Variants in SDHB observed in about 807,000 individuals in gnomAD.
The protein encoded by SDHB is succinate dehydrogenase complex iron sulfur subunit B.
SDHB carries 21 observed loss-of-function variants against 39.7 expected under a neutral mutation model. The ratio of observed to expected loss-of-function variants is 0.53; its 90% CI spans 0.37 to 0.76. SDHB has a LOEUF of 0.76. SDHB is among the 30% of genes least tolerant of loss of function. SDHB has a pLI of 0.00. For missense variants in SDHB, 343 were observed against 350.9 expected, an observed-to-expected ratio of 0.98 and a Z score of 0.18; for synonymous variants, 118 against 117.0, an observed-to-expected ratio of 1.01 and a Z score of -0.06.
intron 2 of SDHB, among the ~76,000 whole-genome samples, chr1:17,037,861 GCA>G (rs1235086206): frequency 6.6e-6 from 1 of 152,034 alleles, no homozygotes; most frequent in African/African-American, 2.4e-5. Flanking sequence ...TTCAGGCCAG[GCA>G]CAGTGGCTCA....
chr1:17,026,608 G>A (rs773825831), intron 5 of SDHB, among the ~76,000 whole-genome samples: 2 of 151,934 alleles, frequency 1.3e-5, no homozygotes, highest in African/African-American at 2.4e-5. Context: ...CAAGTGATCC[G>A]CCCACCTCGG....
intron 3 of SDHB, among the ~76,000 whole-genome samples, chr1:17,029,833 A>C (rs1364585007): frequency 6.6e-6 from 1 of 152,162 alleles, no homozygotes; most frequent in Non-Finnish European, 1.5e-5. Flanking sequence ...TTCTGGGCTC[A>C]AGCGATCCTC....
rs1553176980 is a variant in SDHB, at chr1:17,018,942, T to G, written c.782A>C (p.Lys261Thr). 6.2e-7 allele frequency: 1 copy of G among 1,611,792 alleles called. No individual in the cohort carries two copies. The highest frequency in any genetic ancestry group is 2.2e-5 in the East Asian group (1 of 44,870). ...RTCPKGLNPGKAIAEIKKMMA... is the reference protein window; with the variant it reads ...RTCPKGLNPGTAIAEIKKMMA... The stretch of plus-strand genomic sequence containing the variant: ...CATTTTCTTGATCTCTGCAATAGCT[T>G]TCCCTGGATTCAGACCCTTGAAAAA... Residue 261 changes from lysine (K) to threonine (T), a missense_variant, in exon 8 of 8, where the codon AAA (lysine) becomes ACA (threonine). Physicochemically the swap from Lys to Thr is moderately conservative, Grantham distance 78 (BLOSUM62 -1). Transcript: ENST00000375499.
intron 1 of SDHB, 174 bp from the exon 2 acceptor site, chr1:17,045,062 G>A: frequency 1.6e-6 from 1 of 627,922 alleles, no homozygotes; most frequent in Non-Finnish European, 2.8e-6. Flanking sequence ...CCTATCATAT[G>A]CTAATATATC....
chr1:17,046,049 C>T (rs1487714574), intron 1 of SDHB, among the ~76,000 whole-genome samples: 1 of 152,182 alleles, frequency 6.6e-6, no homozygotes, highest in Admixed American at 6.6e-5. Flanking sequence ...CTACCAGTAA[C>T]ATTATTTCTT....
intron 5 of SDHB, among the ~76,000 whole-genome samples, chr1:17,026,516 C>T (rs959117565): frequency 6.6e-6 from 1 of 152,106 alleles, no homozygotes; most frequent in African/African-American, 2.4e-5. Flanking sequence ...AGGTGTGAGC[C>T]ACCACACTCA....
At chr1:17,048,629 T>A (rs2078126495) in intron 1 of SDHB, among the ~76,000 whole-genome samples, 1 of 152,164 alleles carries the variant, frequency 6.6e-6, no homozygotes, top group Admixed American at 6.5e-5. Context: ...TGGGACAATA[T>A]GCCTTTTAAA....
chr1:17,027,069 G>A (rs192712925), intron 5 of SDHB, among the ~76,000 whole-genome samples: 3 of 152,316 alleles, frequency 2.0e-5, no homozygotes, highest in African/African-American at 7.2e-5. Flanking sequence ...CCTGCAGGTG[G>A]GGCTCTGTCT....
intron 2 of SDHB, among the ~76,000 whole-genome samples, chr1:17,039,904 T>A (rs2101536313): frequency 6.6e-6 from 1 of 152,330 alleles, no homozygotes; most frequent in African/African-American, 2.4e-5. Flanking sequence ...ATCTACTATG[T>A]CCAGCGCTCT....
intron 2 of SDHB, among the ~76,000 whole-genome samples, chr1:17,033,619 G>C (rs1459885895): frequency 6.6e-6 from 1 of 152,178 alleles, no homozygotes; most frequent in Admixed American, 6.5e-5. Flanking sequence ...GAGCCTCCTA[G>C]AACATACAAG....
At chr1:17,023,206 G>A (rs2077972471) in intron 6 of SDHB, 1 of 275,108 alleles carries the variant, frequency 3.6e-6, no homozygotes, top group African/African-American at 2.2e-5. Flanking sequence ...TCAGCAGCCT[G>A]AGATCAGCAG....
At chr1:17,044,945 C>T in intron 1 of SDHB, 57 bp from the exon 2 acceptor site, 1 of 1,508,148 alleles carries the variant, frequency 6.6e-7, no homozygotes, top group Admixed American at 1.7e-5. Context: ...CAAGATAATT[C>T]CATTTTGCTG....
intron 3 of SDHB, among the ~76,000 whole-genome samples, chr1:17,029,385 A>T (rs980320989): frequency 2.0e-5 from 3 of 150,834 alleles, no homozygotes; most frequent in African/African-American, 7.3e-5. Flanking sequence ...GGCCTCCCGA[A>T]GCACTGGGAT....
intron 1 of SDHB, among the ~76,000 whole-genome samples, chr1:17,051,260 T>C (rs2078145766): frequency 6.6e-6 from 1 of 152,170 alleles, no homozygotes; most frequent in African/African-American, 2.4e-5. Flanking sequence ...TAAAGACTAA[T>C]GAGTATTCAA....
intron 2 of SDHB, 83 bp from the exon 3 acceptor site, chr1:17,033,228 A>G: frequency 9.3e-7 from 1 of 1,076,656 alleles, no homozygotes; most frequent in East Asian, 2.4e-5. Context: ...AGACACCTGG[A>G]TGTATTAGCT....
chr1:17,026,204 A>G (rs2077990200), intron 5 of SDHB, among the ~76,000 whole-genome samples: 1 of 152,188 alleles, frequency 6.6e-6, no homozygotes, highest in South Asian at 2.1e-4. Flanking sequence ...TCTGGGATGC[A>G]CAAGACTCTG....
Position 17,024,014 on chromosome 1 carries a change from A to T in SDHB, c.601T>A (p.Trp201Arg). ...GGCCCCAGATATTTGTCTCCGTTCC[A>T]CCAGTAGCTGGGGCAGCTGGTGCTA... ...CCSTSCPSYW[W>R]NGDKYLGPAV... Residue 201 changes from tryptophan to arginine, a missense_variant, in exon 6 of 8, where the codon TGG becomes AGG. By Grantham distance (101) the Trp-to-Arg change is moderately radical. Coordinates refer to ENST00000375499, the MANE Select transcript of SDHB (RefSeq NM_003000.3). 6.2e-7 allele frequency: 1 copy of T among 1,614,048 alleles called. No homozygotes were observed. Among genetic ancestry groups the T allele is most frequent in the Non-Finnish European group, 8.5e-7 (1 of 1,180,002 alleles).
At chr1:17,045,031 A>G (rs996324829) in intron 1 of SDHB, 143 bp from the exon 2 acceptor site, 83 of 742,436 alleles carry the variant, frequency 1.1e-4, no homozygotes, top group Non-Finnish European at 2.0e-5. Flanking sequence ...CAGGCATTCA[A>G]TATCCAACAA....
intron 2 of SDHB, among the ~76,000 whole-genome samples, chr1:17,037,587 G>C (rs2078056907): frequency 6.6e-6 from 1 of 152,150 alleles, no homozygotes; most frequent in Non-Finnish European, 1.5e-5. Flanking sequence ...CTTCCAAGAA[G>C]CTGGGATTAC....
Sources: gnomAD v4.1 joint callset for allele counts (sites outside exome capture counted in the v4.1 genomes callset) on GRCh38, gnomAD v4.1.1 for gene constraint, MANE v1.5 for transcripts, NCBI Gene and HGNC (gene_info 2026-07-23, HGNC 2026-07-21) for gene names.